The following PIWIL2 variants were observed in gnomAD, a reference collection of about 807,000 sequenced individuals.
PIWIL2 encodes piwi like RNA-mediated gene silencing 2.
PIWIL2 carries 81 observed loss-of-function variants against 116.5 expected under a neutral mutation model. The observed-to-expected ratio is 0.70, with a 90% confidence interval of 0.58 to 0.84. The LOEUF is 0.84. Ranked by LOEUF, PIWIL2 falls within the 40% of genes least tolerant of loss-of-function variation. PIWIL2 has a pLI of 0.00. For missense variants in PIWIL2, 1,272 were observed against 1,212.3 expected, an observed-to-expected ratio of 1.05 and a Z score of -0.73; for synonymous variants, 489 against 429.5, an observed-to-expected ratio of 1.14 and a Z score of -1.71.
intron 5 of PIWIL2, 122 bp downstream of exon 5, chr8:22,283,362 G>T (rs2131985259): frequency 2.8e-6 from 2 of 726,348 alleles, no homozygotes; most frequent in South Asian, 3.3e-5. Flanking sequence ...ATACTGCGGG[G>T]TGTTTTGTTT....
chr8:22,281,913 A>C (rs960666087), intron 4 of PIWIL2, among the ~76,000 whole-genome samples: 7 of 150,842 alleles, frequency 4.6e-5, no homozygotes, highest in Non-Finnish European at 8.8e-5. Flanking sequence ...CTGGGACTAC[A>C]GGCATGTGGC....
intron 20 of PIWIL2, among the ~76,000 whole-genome samples, chr8:22,341,652 A>G (rs1339828836): frequency 1.3e-5 from 2 of 151,984 alleles, no homozygotes; most frequent in Non-Finnish European, 2.9e-5. Flanking sequence ...AACTTCATCA[A>G]TTTGATTTTT....
intron 20 of PIWIL2, among the ~76,000 whole-genome samples, chr8:22,350,995 G>A (rs192538024): frequency 5.9e-5 from 9 of 152,148 alleles, no homozygotes; most frequent in African/African-American, 1.7e-4. Context: ...ACAAAAATTA[G>A]CCAGGCATGG....
intron 20 of PIWIL2, chr8:22,321,908 GC>G (rs1831608240): frequency 1.0e-6 from 1 of 984,892 alleles, no homozygotes; most frequent in Non-Finnish European, 1.2e-6. Context: ...CACATTTTCA[GC>G]CCCATTTTGC....
chr8:22,320,268 T>G (rs561482288), intron 20 of PIWIL2, among the ~76,000 whole-genome samples: 16 of 144,264 alleles, frequency 1.1e-4, no homozygotes, highest in Non-Finnish European at 1.7e-4. Context: ...GCTTTTTTTT[T>G]TTTTTTTTTT....
chr8:22,305,366 G>A (rs1043043705), intron 12 of PIWIL2, among the ~76,000 whole-genome samples: 9 of 151,896 alleles, frequency 5.9e-5, no homozygotes, highest in African/African-American at 1.9e-4. Context: ...CTAATTTTTT[G>A]TATTTTTAAT....
chr8:22,305,353 C>T lies in PIWIL2; in HGVS notation c.1455+485C>T, dbSNP rs184707235. Reference sequence around the variant, plus strand: ...GACTACAGGAGCCCGCCACCACCCCCGGCTAATTTTTTGTATTTTTAATAG... The same window carrying T: ...GACTACAGGAGCCCGCCACCACCCCTGGCTAATTTTTTGTATTTTTAATAG... On this transcript the variant is annotated intron_variant, in intron 12 of 22. Coordinates refer to ENST00000356766, the MANE Select transcript of PIWIL2 (RefSeq NM_018068.5). Among the ~76,000 whole-genome samples the T allele has an allele frequency of 6.4e-3, 976 of 152,114 alleles. 5 individuals are homozygous for T. The highest frequency in any genetic ancestry group is 0.022 in the African/African-American group (924 of 41,494).
At chr8:22,354,573 A>T (rs1358205751) in intron 22 of PIWIL2, among the ~76,000 whole-genome samples, 195 bp downstream of exon 22, 1 of 152,152 alleles carries the variant, frequency 6.6e-6, no homozygotes, top group African/African-American at 2.4e-5. Context: ...AAAGAGCTTT[A>T]AAAAATATTG....
chr8:22,338,882 A>G (rs1832041627), intron 20 of PIWIL2, among the ~76,000 whole-genome samples: 1 of 152,178 alleles, frequency 6.6e-6, no homozygotes, highest in South Asian at 2.1e-4. Context: ...GCAAAAACAT[A>G]GAATAGTCAA....
chr8:22,279,947 A>G (rs1422009596), intron 2 of PIWIL2, among the ~76,000 whole-genome samples: 1 of 152,020 alleles, frequency 6.6e-6, no homozygotes, highest in African/African-American at 2.4e-5. Flanking sequence ...ACAGAGCGAG[A>G]CTCCATCTCA....
At chr8:22,284,784 CA>C (rs1183119526) in intron 6 of PIWIL2, among the ~76,000 whole-genome samples, 1 of 151,820 alleles carries the variant, frequency 6.6e-6, no homozygotes, top group African/African-American at 2.4e-5. Context: ...AAGATAACTG[CA>C]GTTTTATATC....
At chr8:22,322,050 T>G in intron 20 of PIWIL2, 1 of 934,210 alleles carries the variant, frequency 1.1e-6, no homozygotes, top group Non-Finnish European at 1.3e-6. Context: ...AACTTTTTAT[T>G]TTGGAATAAA....
chr8:22,276,523 T>C (rs982795397), intron 1 of PIWIL2, among the ~76,000 whole-genome samples: 3 of 152,084 alleles, frequency 2.0e-5, no homozygotes, highest in African/African-American at 7.2e-5. Context: ...ACCATTTTGG[T>C]CAGGCTGGTC....
At chr8:22,290,369 C>T in intron 10 of PIWIL2, 23 bp downstream of exon 10, 4 of 1,302,738 alleles carry the variant, frequency 3.1e-6, no homozygotes, top group South Asian at 1.2e-5. Flanking sequence ...TGGGGTCTAT[C>T]TTTAACATGC....
At chr8:22,291,014 G>C (rs758938057) in intron 10 of PIWIL2, among the ~76,000 whole-genome samples, 1 of 147,822 alleles carries the variant, frequency 6.8e-6, no homozygotes, top group Non-Finnish European at 1.5e-5. Flanking sequence ...TATCACCCAG[G>C]CTGGAGTGCA....
chr8:22,335,571 G>T (rs187372957), intron 20 of PIWIL2, among the ~76,000 whole-genome samples: 2 of 123,038 alleles, frequency 1.6e-5, no homozygotes, highest in Non-Finnish European at 3.2e-5. Context: ...TTTTTGAGAC[G>T]CAGTCTTGCT....
intron 10 of PIWIL2, among the ~76,000 whole-genome samples, chr8:22,299,201 C>A (rs1434466209): frequency 6.7e-6 from 1 of 149,036 alleles, no homozygotes. Flanking sequence ...TTTTAATGAT[C>A]TTTTTTCTTT....
chr8:22,289,913 A>G lies in PIWIL2; in HGVS notation c.1053A>G (p.Val351=). 1.2e-6 allele frequency: 2 copies of G among 1,607,756 alleles called. No homozygotes were observed. The highest frequency in any genetic ancestry group is 1.7e-6 in the Non-Finnish European group (2 of 1,174,296). Residue 351 remains valine, a synonymous_variant, in exon 9 of 23, where the codon GTA becomes GTG. Coordinates refer to ENST00000356766, the MANE Select transcript of PIWIL2 (RefSeq NM_018068.5). ...TTTATGACCCTACAAGTGCTATGGTACTACAGCAACACAGGTTGGTACTTT... is the reference window on the plus strand; with the variant it reads ...TTTATGACCCTACAAGTGCTATGGTGCTACAGCAACACAGGTTGGTACTTT... ...RNFYDPTSAM[V]LQQHRLQIWP...
chr8:22,348,299 CAA>C (rs1030410457), intron 20 of PIWIL2, among the ~76,000 whole-genome samples: 4 of 152,000 alleles, frequency 2.6e-5, no homozygotes, highest in African/African-American at 7.3e-5. Flanking sequence ...GACTCCATCT[CAA>C]AAATAATAAT....
Sources: allele counts gnomAD v4.1 joint callset (sites outside exome capture counted in the v4.1 genomes callset), GRCh38; gene constraint gnomAD v4.1.1; transcripts MANE v1.5; gene names NCBI Gene and HGNC (gene_info 2026-07-23, HGNC 2026-07-21).